The following FAM53B variants were observed in gnomAD, a reference collection of about 807,000 sequenced individuals.
FAM53B encodes protein FAM53B.
FAM53B carries 12 observed loss-of-function variants against 32.7 expected under a neutral mutation model. The observed-to-expected ratio is 0.37, with a 90% CI of 0.24 to 0.59. The LOEUF (loss-of-function observed/expected upper bound fraction) is 0.59. Ranked by LOEUF, FAM53B falls within the 20% of genes least tolerant of loss-of-function variation. The pLI is 0.72. For missense variants in FAM53B, 477 were observed against 577.7 expected (o/e 0.83, Z 1.79); for synonymous variants, 234 against 228.7 (o/e 1.02, Z -0.21).
chr10:124,719,925 G>A (rs1309798759), intron 1 of FAM53B, among the ~76,000 whole-genome samples: 1 of 152,212 alleles, frequency 6.6e-6, no homozygotes, highest in Non-Finnish European at 1.5e-5. Flanking sequence ...CACTTTGGGA[G>A]GCCAAGGCAG....
chr10:124,715,279 G>A (rs1440781438), intron 1 of FAM53B, among the ~76,000 whole-genome samples: 1 of 152,222 alleles, frequency 6.6e-6, no homozygotes, highest in East Asian at 1.9e-4. Context: ...CAGATGACGA[G>A]TATCTTGGAG....
At chr10:124,719,300 G>C (rs1564887299) in intron 1 of FAM53B, among the ~76,000 whole-genome samples, 1 of 152,108 alleles carries the variant, frequency 6.6e-6, no homozygotes, top group Non-Finnish European at 1.5e-5. Flanking sequence ...TTCCTTCTAA[G>C]CACTCTGGAT....
At chr10:124,705,544 G>C (rs1044096656) in intron 2 of FAM53B, 1 of 152,260 alleles carries the variant, frequency 6.6e-6, no homozygotes. Context: ...CTTAGTCATG[G>C]GATCCTCAAG....
chr10:124,685,197 GA>G (rs1420256413), intron 3 of FAM53B, among the ~76,000 whole-genome samples: 1 of 152,230 alleles, frequency 6.6e-6, no homozygotes, highest in Non-Finnish European at 1.5e-5. Flanking sequence ...GAAATAAACC[GA>G]AATGTTAATA....
chr10:124,716,431 A>T (rs1412775339), intron 1 of FAM53B, among the ~76,000 whole-genome samples: 3 of 152,212 alleles, frequency 2.0e-5, no homozygotes, highest in Non-Finnish European at 2.9e-5. Context: ...GGACTTTTCA[A>T]TGTTGTAGGG....
chr10:124,706,346 C>A (rs1018999604), intron 2 of FAM53B, among the ~76,000 whole-genome samples: 2 of 152,212 alleles, frequency 1.3e-5, no homozygotes, highest in Non-Finnish European at 2.9e-5. Context: ...GAATGTCAAT[C>A]CTGGCTTGGC....
chr10:124,726,428 G>C (rs1045122517), intron 1 of FAM53B, among the ~76,000 whole-genome samples: 2 of 152,218 alleles, frequency 1.3e-5, no homozygotes, highest in Admixed American at 1.3e-4. Context: ...CAGAATCAGA[G>C]GCTGAACCAA....
chr10:124,714,313 A>G (rs1950024926), intron 1 of FAM53B: 1 of 152,110 alleles, frequency 6.6e-6, no homozygotes, highest in South Asian at 2.1e-4. Context: ...CTGGTGTTTC[A>G]ACCAGAGTTC....
At chr10:124,673,558 T>C (rs1357246098) in intron 4 of FAM53B, among the ~76,000 whole-genome samples, 1 of 152,158 alleles carries the variant, frequency 6.6e-6, no homozygotes, top group Non-Finnish European at 1.5e-5. Context: ...CTCTGCTGGG[T>C]ACAGCAGCTC....
rs1225764207 is a variant in FAM53B, at chr10:124,682,316, C to T, written c.197G>A (p.Ser66Asn). The change falls in exon 4 of 5, where the codon AGC becomes AAC. Residue 66 changes from serine (S) to asparagine (N), a missense_variant. Coordinates refer to ENST00000337318, the MANE Select transcript of FAM53B (RefSeq NM_014661.4). This position sits in a 1 kb window ranked among gnomAD's most constrained non-coding sequence, Gnocchi z 5.2. ...CTTTTCAGGCAGGCATTCCCAGATG[C>T]TGGTGCTCGGTTGGTCAATCTGAAG... Reference protein sequence around the residue: ...CPLQIDQPSTSIWECLPEKDS... With the variant: ...CPLQIDQPSTNIWECLPEKDS... 3 of 1,613,872 alleles carry T rather than the reference C, an allele frequency of 1.9e-6. No individual in the cohort carries two copies. Among genetic ancestry groups the T allele is most frequent in the Non-Finnish European group, 2.5e-6 (3 of 1,179,980 alleles).
rs1564869644 is a variant in FAM53B, at chr10:124,657,078, ATATGTG to A, written c.906+24523_906+24528del. On this transcript the variant is annotated intron_variant, in intron 4 of 4. Coordinates refer to ENST00000337318, the MANE Select transcript of FAM53B (RefSeq NM_014661.4). ...TATATATGTATATATATATGTATAT[ATATGTG>A]TGTGTATATATATGTGTATATATAT... Among the ~76,000 whole-genome samples the A allele has an allele frequency of 2.9e-5, 4 of 135,718 alleles. No individual in the cohort carries two copies. In the East Asian group the frequency reaches 6.6e-4, roughly 22 times the overall value. 89.0% of individuals were successfully genotyped at this position (135,718 alleles called of 152,430 possible).
At chr10:124,725,583 G>A (rs1950096419) in intron 1 of FAM53B, among the ~76,000 whole-genome samples, 1 of 152,216 alleles carries the variant, frequency 6.6e-6, no homozygotes, top group Non-Finnish European at 1.5e-5. Flanking sequence ...CCTGTCTTTG[G>A]TGAGAACGGG....
intron 4 of FAM53B, among the ~76,000 whole-genome samples, chr10:124,648,773 C>T (rs1305274623): frequency 1.3e-5 from 2 of 152,264 alleles, no homozygotes; most frequent in African/African-American, 2.4e-5. Context: ...CCACCTGTCC[C>T]GCCTGTTCGG....
intron 4 of FAM53B, among the ~76,000 whole-genome samples, chr10:124,639,578 A>G (rs1401720203): frequency 6.6e-6 from 1 of 152,106 alleles, no homozygotes; most frequent in Non-Finnish European, 1.5e-5. Flanking sequence ...CAGAGGCCCA[A>G]CTCAGGCTCC....
chr10:124,737,999 G>C (rs749619069), intron 1 of FAM53B, among the ~76,000 whole-genome samples: 1 of 152,140 alleles, frequency 6.6e-6, no homozygotes, highest in Non-Finnish European at 1.5e-5. Context: ...AAGGGACTGT[G>C]CTGAATCTTG....
chr10:124,731,528 A>G (rs1475598068), intron 1 of FAM53B, among the ~76,000 whole-genome samples: 1 of 152,000 alleles, frequency 6.6e-6, no homozygotes, highest in African/African-American at 2.4e-5. Flanking sequence ...GCCTTGTACT[A>G]TAAGAGGCTC....
intron 4 of FAM53B, among the ~76,000 whole-genome samples, chr10:124,654,705 C>T (rs900087339): frequency 1.3e-5 from 2 of 152,176 alleles, no homozygotes; most frequent in African/African-American, 2.4e-5. Context: ...GACATCTCTG[C>T]GGACATGAGT....
At chr10:124,646,437 G>A (rs549291837) in intron 4 of FAM53B, among the ~76,000 whole-genome samples, 68 of 152,344 alleles carry the variant, frequency 4.5e-4, no homozygotes, top group South Asian at 1.0e-3. Context: ...AGCGTGTAAG[G>A]AATCCCAGAA....
At chr10:124,678,452 T>G (rs1193957071) in intron 4 of FAM53B, among the ~76,000 whole-genome samples, 1 of 152,204 alleles carries the variant, frequency 6.6e-6, no homozygotes, top group Non-Finnish European at 1.5e-5. Context: ...TGGCATCTGC[T>G]GCACAGACAT....
Sources: gnomAD v4.1 joint callset for allele counts (sites outside exome capture counted in the v4.1 genomes callset) on GRCh38, gnomAD v4.1.1 for gene constraint, Gnocchi (gnomAD v3.1) non-coding constraint, MANE v1.5 for transcripts, NCBI Gene and HGNC (gene_info 2026-07-23, HGNC 2026-07-21) for gene names.